The following RPS6KC1 variants were observed in gnomAD, a reference collection of about 807,000 sequenced individuals.
The protein encoded by RPS6KC1 is ribosomal protein S6 kinase C1.
In RPS6KC1, 54 loss-of-function variants were observed where a neutral mutation model predicts 103.8. The ratio of observed to expected loss-of-function variants is 0.52; its 90% confidence interval spans 0.42 to 0.65. RPS6KC1 has a LOEUF of 0.65. RPS6KC1 is among the 30% of genes least tolerant of loss of function. RPS6KC1 has a pLI of 0.00. For missense variants in RPS6KC1, 1,151 were observed against 1,253.8 expected (o/e 0.92, Z 1.24); for synonymous variants, 439 against 438.7 (o/e 1.00, Z -0.01).
chr1:213,442,072 T>C, the RPS6KC1 span, among the ~76,000 whole-genome samples: 1 of 152,198 alleles, frequency 6.6e-6, no homozygotes, highest in Admixed American at 6.5e-5. Flanking sequence ...AAGATGTAAT[T>C]TTGAATGTGT....
At chr1:213,802,390 GTATAAATGCTAT>G in the RPS6KC1 span, among the ~76,000 whole-genome samples, 3 of 152,228 alleles carry the variant, frequency 2.0e-5, no homozygotes, top group African/African-American at 7.2e-5. Flanking sequence ...GTGAAGCAAA[GTATAAATGCTAT>G]TATAGGCTAT....
the RPS6KC1 span, among the ~76,000 whole-genome samples, chr1:213,362,974 T>C: frequency 4.6e-5 from 7 of 152,234 alleles, no homozygotes; most frequent in Admixed American, 6.5e-5. Context: ...TGCATAACTG[T>C]GTGATCAACT....
chr1:213,317,388 T>G, the RPS6KC1 span, among the ~76,000 whole-genome samples: 1 of 152,142 alleles, frequency 6.6e-6, no homozygotes, highest in Non-Finnish European at 1.5e-5. Context: ...CTCTGAGGCT[T>G]CTTCTTTTGG....
chr1:213,679,581 T>G, the RPS6KC1 span, among the ~76,000 whole-genome samples: 1 of 152,180 alleles, frequency 6.6e-6, no homozygotes, highest in Non-Finnish European at 1.5e-5. Flanking sequence ...AGTCCTCATG[T>G]CATCACAACT....
intron 6 of RPS6KC1, among the ~76,000 whole-genome samples, chr1:213,154,055 T>G (rs2089574133): frequency 6.6e-6 from 1 of 152,154 alleles, no homozygotes; most frequent in African/African-American, 2.4e-5. Flanking sequence ...TCAGGGAGAA[T>G]TCTCTTGATT....
the RPS6KC1 span, among the ~76,000 whole-genome samples, chr1:213,824,378 C>G: frequency 6.6e-6 from 1 of 152,210 alleles, no homozygotes; most frequent in South Asian, 2.1e-4. Flanking sequence ...GTTAGCTTAG[C>G]TCCATCTGGT....
At chr1:213,211,521 A>G (rs1049528449) in intron 8 of RPS6KC1, among the ~76,000 whole-genome samples, 2 of 152,256 alleles carry the variant, frequency 1.3e-5, no homozygotes, top group Admixed American at 1.3e-4. Context: ...CTATATTTAT[A>G]TCCATTTTCC....
At chr1:213,054,718 C>G (rs952854739) in intron 1 of RPS6KC1, among the ~76,000 whole-genome samples, 2 of 152,112 alleles carry the variant, frequency 1.3e-5, no homozygotes, top group African/African-American at 4.8e-5. Context: ...TTGCAGTTCT[C>G]TGAAATCTGG....
intron 1 of RPS6KC1, among the ~76,000 whole-genome samples, chr1:213,066,528 A>G (rs1043615084): frequency 1.3e-5 from 2 of 152,228 alleles, no homozygotes; most frequent in African/African-American, 4.8e-5. Flanking sequence ...TATATTGCAT[A>G]ATAATCATGA....
the RPS6KC1 span, among the ~76,000 whole-genome samples, chr1:213,407,956 T>G: frequency 7.2e-5 from 11 of 152,226 alleles, no homozygotes; most frequent in Non-Finnish European, 1.0e-4. Flanking sequence ...TGACACATAA[T>G]AGATGCTTAA....
intron 8 of RPS6KC1, among the ~76,000 whole-genome samples, chr1:213,228,167 C>T (rs2094003830): frequency 6.6e-6 from 1 of 152,128 alleles, no homozygotes; most frequent in Admixed American, 6.5e-5. Context: ...TTACTGAGAG[C>T]TAGAGTGACA....
the RPS6KC1 span, among the ~76,000 whole-genome samples, chr1:213,569,598 A>G: frequency 1.3e-5 from 2 of 151,892 alleles, no homozygotes; most frequent in African/African-American, 4.8e-5. Flanking sequence ...AGGAGTTGGT[A>G]TTTGATATAA....
the RPS6KC1 span, among the ~76,000 whole-genome samples, chr1:213,848,282 C>T: frequency 6.6e-6 from 1 of 152,100 alleles, no homozygotes; most frequent in East Asian, 1.9e-4. Context: ...TTCATGTACA[C>T]CATATCATTC....
intron 5 of RPS6KC1, among the ~76,000 whole-genome samples, chr1:213,122,511 A>G (rs1012227901): frequency 6.6e-6 from 1 of 152,194 alleles, no homozygotes; most frequent in African/African-American, 2.4e-5. Flanking sequence ...AATAACCTAA[A>G]TCTATTTTCA....
At chr1:213,290,983 G>A in the RPS6KC1 span, among the ~76,000 whole-genome samples, 1 of 152,020 alleles carries the variant, frequency 6.6e-6, no homozygotes, top group African/African-American at 2.4e-5. Context: ...CAGGACTCCC[G>A]GCCACGCCAA....
the RPS6KC1 span, among the ~76,000 whole-genome samples, chr1:213,589,938 G>GGGGGGTGTGTGTGTGTGTGT: frequency 3.0e-5 from 4 of 132,732 alleles, no homozygotes; most frequent in African/African-American, 1.3e-4. Flanking sequence ...AAAAGGTAGT[G>GGGGGGTGTGTGTGTGTGTGT]GTGTGTGTGT....
At chr1:213,751,499 C>G in the RPS6KC1 span, among the ~76,000 whole-genome samples, 2 of 152,300 alleles carry the variant, frequency 1.3e-5, no homozygotes, top group East Asian at 1.9e-4. Flanking sequence ...CCCAATTAGA[C>G]ATCCAGAGTC....
At chr1:213,112,610 A>G (rs1337892703) in intron 4 of RPS6KC1, among the ~76,000 whole-genome samples, 1 of 151,806 alleles carries the variant, frequency 6.6e-6, no homozygotes, top group African/African-American at 2.4e-5. Context: ...CATGTGCACA[A>G]TGTGCAGGGT....
chr1:213,748,001 A>G, the RPS6KC1 span, among the ~76,000 whole-genome samples: 1 of 152,184 alleles, frequency 6.6e-6, no homozygotes, highest in African/African-American at 2.4e-5. Context: ...ATTAATTATG[A>G]AGCTATTAAT....
Sources: allele counts gnomAD v4.1 joint callset (sites outside exome capture counted in the v4.1 genomes callset), GRCh38; gene constraint gnomAD v4.1.1; transcripts MANE v1.5; gene names NCBI Gene and HGNC (gene_info 2026-07-23, HGNC 2026-07-21).